The following INTS9 variants were observed in gnomAD, a reference collection of about 807,000 sequenced individuals.
The protein encoded by INTS9 is integrator complex subunit 9.
A neutral mutation model predicts 79.7 loss-of-function variants in INTS9; 55 were observed. That is an observed-to-expected ratio of 0.69 (90% CI 0.56 to 0.86). The LOEUF (loss-of-function observed/expected upper bound fraction) is 0.86, where lower values mean the gene tolerates loss of function less well. Among genes scored for constraint, INTS9 ranks in the 40% least tolerant of loss-of-function variants. INTS9 has a pLI of 0.00. For synonymous variants in INTS9, 319 were observed against 325.2 expected (o/e 0.98, Z 0.20); for missense variants, 721 against 831.5 (o/e 0.87, Z 1.64).
At chr8:28,845,427 T>C (rs1807451821) in intron 4 of INTS9, among the ~76,000 whole-genome samples, 2 of 152,202 alleles carry the variant, frequency 1.3e-5, no homozygotes, top group Admixed American at 1.3e-4. Context: ...TGAAAAAATG[T>C]ATATGGCTCT....
At position 28,786,348 on chromosome 8, in the gene INTS9, C is replaced by T. The variant is rs546697612; in HGVS notation, c.1098+1481G>A. Reference sequence around the variant, plus strand: ...CCAGACTGGTGTGCAGTAAGTAGCACGATTGCAGTTCACTGCAGCAGCCTC... The same window carrying T: ...CCAGACTGGTGTGCAGTAAGTAGCATGATTGCAGTTCACTGCAGCAGCCTC... On this transcript the variant is annotated intron_variant, in intron 11 of 16. Coordinates refer to ENST00000521022, the MANE Select transcript of INTS9 (RefSeq NM_018250.4). Among the ~76,000 whole-genome samples the T allele has an allele frequency of 4.6e-4, 70 of 151,816 alleles. No individual in the cohort carries two copies. The South Asian group carries it at 0.015, about 32-fold the overall frequency.
chr8:28,794,341 G>T (rs1804078792), intron 9 of INTS9, among the ~76,000 whole-genome samples: 1 of 152,176 alleles, frequency 6.6e-6, no homozygotes, highest in Non-Finnish European at 1.5e-5. Flanking sequence ...TCTGACCATG[G>T]CTGAATGACC....
At chr8:28,777,987 C>T in intron 12 of INTS9, 34 bp from the exon 13 acceptor site, 1 of 1,578,436 alleles carries the variant, frequency 6.3e-7, no homozygotes. Context: ...TCTTACAATG[C>T]AGACTACACA....
At chr8:28,809,163 T>C (rs1337602192) in intron 8 of INTS9, among the ~76,000 whole-genome samples, 16 of 152,290 alleles carry the variant, frequency 1.1e-4, no homozygotes, top group Non-Finnish European at 1.5e-5. Context: ...CTTGCCATGT[T>C]GCCCAGGCTG....
At chr8:28,825,396 A>G (rs535640948) in intron 6 of INTS9, among the ~76,000 whole-genome samples, 19 of 152,310 alleles carry the variant, frequency 1.2e-4, no homozygotes, top group South Asian at 8.3e-4. Context: ...TGCAACAGTC[A>G]TTTCTTTTAA....
chr8:28,860,865 G>C (rs1248511731), intron 1 of INTS9, among the ~76,000 whole-genome samples: 4 of 152,206 alleles, frequency 2.6e-5, no homozygotes, highest in African/African-American at 9.7e-5. Context: ...AGTCACTTAG[G>C]CTAAGTCTTT....
chr8:28,827,944 A>G (rs1806247763), intron 6 of INTS9, among the ~76,000 whole-genome samples: 1 of 152,138 alleles, frequency 6.6e-6, no homozygotes, highest in African/African-American at 2.4e-5. Flanking sequence ...TTGTCACTCA[A>G]CATCCTGGGA....
At chr8:28,831,366 C>A (rs946444501) in intron 6 of INTS9, among the ~76,000 whole-genome samples, 2 of 152,132 alleles carry the variant, frequency 1.3e-5, no homozygotes, top group Non-Finnish European at 2.9e-5. Flanking sequence ...GGGCTTAACA[C>A]CTAGGTGAAG....
chr8:28,787,743 A>G (rs995441144), intron 11 of INTS9, 86 bp downstream of exon 11: 20 of 916,768 alleles, frequency 2.2e-5, no homozygotes, highest in East Asian at 1.0e-4. Context: ...ACAGCAATCT[A>G]TTTCATCTAA....
chr8:28,872,493 A>G (rs756155951), intron 1 of INTS9, among the ~76,000 whole-genome samples: 1 of 151,970 alleles, frequency 6.6e-6, no homozygotes, highest in African/African-American at 2.4e-5. Context: ...AATAAAAACT[A>G]TTTGCTAGAC....
At chr8:28,816,924 ATG>A (rs1772647360) in intron 6 of INTS9, among the ~76,000 whole-genome samples, 1 of 151,330 alleles carries the variant, frequency 6.6e-6, no homozygotes, top group South Asian at 2.1e-4. Context: ...GCATTTTTTC[ATG>A]TGTTTTTTGG....
Position 28,850,240 on chromosome 8 carries a change from CAGG to C in INTS9, c.168_170del (p.Leu57del), listed in dbSNP as rs1235333454. ...TGTCCAAGAAAGCATTTCCATCCTT[CAGG>C]GACCAGCCAGGAAGATTGGACAGCC... On this transcript the variant is annotated inframe_deletion, in exon 3 of 17. Coordinates refer to ENST00000521022, the MANE Select transcript of INTS9 (RefSeq NM_018250.4). 5 of 1,613,726 alleles carry C rather than the reference CAGG, an allele frequency of 3.1e-6. No individual in the cohort carries two copies. Among genetic ancestry groups the C allele is most frequent in the Non-Finnish European group, 4.2e-6 (5 of 1,179,808 alleles).
At chr8:28,889,076 AAC>A (rs1281194364) in intron 1 of INTS9, among the ~76,000 whole-genome samples, 2 of 152,180 alleles carry the variant, frequency 1.3e-5, no homozygotes, top group Admixed American at 1.3e-4. Flanking sequence ...AAGGTTGAGA[AAC>A]AGTGTTTCAC....
chr8:28,771,127 C>T, intron 14 of INTS9, 47 bp from the exon 15 acceptor site: 2 of 1,209,250 alleles, frequency 1.7e-6, no homozygotes, highest in Non-Finnish European at 2.4e-6. Flanking sequence ...TAATGATGAC[C>T]ATTACTCTTC....
At chr8:28,781,897 G>A (rs1253455308) in intron 11 of INTS9, among the ~76,000 whole-genome samples, 5 of 152,072 alleles carry the variant, frequency 3.3e-5, no homozygotes, top group East Asian at 1.9e-4. Flanking sequence ...AAAGCACAAC[G>A]CCAAGGGAAC....
At chr8:28,803,309 G>T (rs920233185) in intron 8 of INTS9, among the ~76,000 whole-genome samples, 2 of 152,174 alleles carry the variant, frequency 1.3e-5, no homozygotes, top group African/African-American at 4.8e-5. Flanking sequence ...ACAAAATGTA[G>T]TATTCAAATA....
intron 6 of INTS9, among the ~76,000 whole-genome samples, chr8:28,834,462 C>T (rs942495954): frequency 6.6e-6 from 1 of 152,212 alleles, no homozygotes; most frequent in African/African-American, 2.4e-5. Flanking sequence ...CTCTACTCAC[C>T]CTAATCCACA....
Position 28,815,872 on chromosome 8 carries a change from A to C in INTS9, c.489-2260T>G, listed in dbSNP as rs573956199. Among the ~76,000 whole-genome samples the C allele has an allele frequency of 2.1e-3, 316 of 152,284 alleles. 3 individuals are homozygous for C. Among genetic ancestry groups the C allele is most frequent in the African/African-American group, 7.2e-3 (299 of 41,568 alleles). On this transcript the variant is annotated intron_variant, in intron 6 of 16. Coordinates refer to ENST00000521022, the MANE Select transcript of INTS9 (RefSeq NM_018250.4). The stretch of plus-strand genomic sequence containing the variant: ...CTAAAATGAAGAGACACGAAACTAC[A>C]CACTAAAAGAACACAGTGTACACTT...
intron 2 of INTS9, among the ~76,000 whole-genome samples, chr8:28,856,319 T>A (rs751354659): frequency 2.0e-5 from 3 of 152,208 alleles, no homozygotes; most frequent in Non-Finnish European, 4.4e-5. Flanking sequence ...TTTACTAAGA[T>A]AGGAACTTGA....
Sources: gnomAD v4.1 joint callset for allele counts (sites outside exome capture counted in the v4.1 genomes callset) on GRCh38, gnomAD v4.1.1 for gene constraint, MANE v1.5 for transcripts, NCBI Gene and HGNC (gene_info 2026-07-23, HGNC 2026-07-21) for gene names.